CNTNAP2: variants seen among roughly 807,000 people sequenced by gnomAD.
CNTNAP2 encodes the protein contactin-associated protein-like 2.
CNTNAP2 carries 98 observed loss-of-function variants against 155.2 expected under a neutral mutation model. The observed-to-expected ratio is 0.63, with a 90% confidence interval of 0.54 to 0.75. The LOEUF (loss-of-function observed/expected upper bound fraction) is 0.75, where lower values mean the gene tolerates loss of function less well. CNTNAP2 is among the 30% of genes least tolerant of loss of function. The pLI is 0.00. For missense variants in CNTNAP2, 1,727 were observed against 1,688.1 expected, an observed-to-expected ratio of 1.02 and a Z score of -0.40; for synonymous variants, 651 against 631.2, an observed-to-expected ratio of 1.03 and a Z score of -0.47.
intron 1 of CNTNAP2, among the ~76,000 whole-genome samples, chr7:146,370,394 T>C (rs565186256): frequency 6.6e-5 from 10 of 151,666 alleles, no homozygotes; most frequent in South Asian, 6.3e-4. Context: ...GCCGAAATTA[T>C]GCCGCTGCAC....
At chr7:146,447,635 A>G (rs1796420941) in intron 1 of CNTNAP2, among the ~76,000 whole-genome samples, 1 of 152,028 alleles carries the variant, frequency 6.6e-6, no homozygotes, top group Non-Finnish European at 1.5e-5. Context: ...AGAAGCTTTC[A>G]TGCTTCATTA....
chr7:147,540,745 C>T (rs1349261202), intron 11 of CNTNAP2, among the ~76,000 whole-genome samples: 2 of 151,846 alleles, frequency 1.3e-5, no homozygotes, highest in South Asian at 2.1e-4. Flanking sequence ...GCAAAAGAAT[C>T]GCTTGAACCG....
intron 1 of CNTNAP2, among the ~76,000 whole-genome samples, chr7:146,234,835 A>C (rs1433776334): frequency 6.6e-6 from 1 of 152,254 alleles, no homozygotes; most frequent in East Asian, 1.9e-4. Context: ...TGCCACATTC[A>C]GTTTTTACAT....
chr7:147,868,109 T>C (rs1490018903), intron 13 of CNTNAP2, among the ~76,000 whole-genome samples: 3 of 152,156 alleles, frequency 2.0e-5, no homozygotes, highest in Non-Finnish European at 4.4e-5. Flanking sequence ...GTCTATGTGA[T>C]GGTGACCTAC....
chr7:146,180,035 T>C (rs1477602706), intron 1 of CNTNAP2, among the ~76,000 whole-genome samples: 2 of 152,172 alleles, frequency 1.3e-5, no homozygotes, highest in Non-Finnish European at 2.9e-5. Context: ...ACTCAAACAT[T>C]GTAACAGCAG....
chr7:146,665,235 C>T (rs915038359), intron 1 of CNTNAP2, among the ~76,000 whole-genome samples: 1 of 152,160 alleles, frequency 6.6e-6, no homozygotes, highest in African/African-American at 2.4e-5. Flanking sequence ...AGGCGTGAGC[C>T]ACCGCGCCCG....
chr7:146,360,256 C>T (rs1010692384), intron 1 of CNTNAP2, among the ~76,000 whole-genome samples: 1 of 152,168 alleles, frequency 6.6e-6, no homozygotes, highest in Non-Finnish European at 1.5e-5. Flanking sequence ...GTCAGCTAGA[C>T]ACATTTGACT....
intron 16 of CNTNAP2, among the ~76,000 whole-genome samples, chr7:148,120,758 T>C (rs541303984): frequency 6.6e-6 from 1 of 152,256 alleles, no homozygotes; most frequent in South Asian, 2.1e-4. Flanking sequence ...GATTCGAGCC[T>C]CTAATCTTCC....
chr7:146,162,884 G>A (rs1047113096), intron 1 of CNTNAP2, among the ~76,000 whole-genome samples: 4 of 152,088 alleles, frequency 2.6e-5, no homozygotes, highest in African/African-American at 9.7e-5. Flanking sequence ...GGAAACCATC[G>A]TTCTCAGCAA....
At chr7:148,383,611 T>C (rs750503364) in intron 21 of CNTNAP2, 38 bp from the exon 22 acceptor site, 1 of 1,614,136 alleles carries the variant, frequency 6.2e-7, no homozygotes, top group East Asian at 2.2e-5. Context: ...TGGACTATGG[T>C]GAGTCAAGTA....
chr7:146,329,814 G>A (rs558524583), intron 1 of CNTNAP2, among the ~76,000 whole-genome samples: 1 of 152,086 alleles, frequency 6.6e-6, no homozygotes, highest in South Asian at 2.1e-4. Flanking sequence ...TACAACTGTG[G>A]TACTGAATAG....
At chr7:146,342,997 T>TTCCACACTTGGGATCTAGAAAC (rs1427969680) in intron 1 of CNTNAP2, among the ~76,000 whole-genome samples, 2 of 152,206 alleles carry the variant, frequency 1.3e-5, no homozygotes, top group African/African-American at 4.8e-5. Context: ...AATAGGCATT[T>TTCCACACTTGGGATCTAGAAAC]TCCACACTTG....
chr7:148,118,230 CT>C lies in CNTNAP2; in HGVS notation c.2497del (p.Trp833GlyfsTer18), dbSNP rs1391540245. 2 of 1,613,998 alleles carry C rather than the reference CT, an allele frequency of 1.2e-6. No homozygotes were observed. The highest frequency in any genetic ancestry group is 2.7e-5 in the African/African-American group (2 of 74,928). ...CTTTCTACTTCAAAACATTAACCCC[CT>C]GGGGAGTGTTTCTTGAAAATATGGG... Reference protein sequence around the residue: ...ISFYFKTLTPWGVFLENMGKE... With the variant: ...ISFYFKTLTPXGVFLENMGKE... On this transcript the variant is annotated frameshift_variant, in exon 16 of 24. Transcript: ENST00000361727. LOFTEE classifies it high-confidence loss of function.
chr7:146,989,477 A>G (rs928255430), intron 3 of CNTNAP2, among the ~76,000 whole-genome samples: 1 of 152,132 alleles, frequency 6.6e-6, no homozygotes, highest in African/African-American at 2.4e-5. Context: ...TTCTTCAGTC[A>G]GGAAGAGATC....
intron 10 of CNTNAP2, among the ~76,000 whole-genome samples, chr7:147,404,789 C>G (rs1429511626): frequency 6.6e-6 from 1 of 152,098 alleles, no homozygotes; most frequent in African/African-American, 2.4e-5. Context: ...GCTCAATGAC[C>G]TAAAAGTATC....
At chr7:147,120,495 A>G (rs553101840) in intron 5 of CNTNAP2, among the ~76,000 whole-genome samples, 72 of 152,314 alleles carry the variant, frequency 4.7e-4, no homozygotes, top group African/African-American at 1.6e-3. Context: ...AATTCATTGC[A>G]CAGTCATAAA....
At chr7:147,323,705 G>A (rs1795396746) in intron 9 of CNTNAP2, among the ~76,000 whole-genome samples, 1 of 152,122 alleles carries the variant, frequency 6.6e-6, no homozygotes, top group African/African-American at 2.4e-5. Context: ...ATTTAAAGGA[G>A]TTCATTTCTT....
intron 15 of CNTNAP2, among the ~76,000 whole-genome samples, chr7:148,011,543 T>C (rs1468590070): frequency 6.6e-6 from 1 of 152,226 alleles, no homozygotes; most frequent in African/African-American, 2.4e-5. Flanking sequence ...GCTTATTTCC[T>C]CATCTGTTTT....
intron 17 of CNTNAP2, among the ~76,000 whole-genome samples, chr7:148,168,266 T>G (rs935596722): frequency 1.3e-5 from 2 of 151,902 alleles, no homozygotes; most frequent in South Asian, 4.2e-4. Context: ...TGCACACGTA[T>G]GTTTATTGCA....
Sources: gnomAD v4.1 joint callset for allele counts (sites outside exome capture counted in the v4.1 genomes callset) on GRCh38, gnomAD v4.1.1 for gene constraint, MANE v1.5 for transcripts, NCBI Gene and HGNC (gene_info 2026-07-23, HGNC 2026-07-21) for gene names.